ADAM23: variants seen among roughly 807,000 people sequenced by gnomAD.
ADAM23 encodes disintegrin and metalloproteinase domain-containing protein 23.
A neutral mutation model predicts 120.1 loss-of-function variants in ADAM23; 33 were observed. That is an observed-to-expected ratio of 0.27 (90% confidence interval 0.21 to 0.37). The LOEUF (loss-of-function observed/expected upper bound fraction) is 0.37, where lower values mean the gene tolerates loss of function less well. ADAM23 is among the 10% of genes least tolerant of loss of function. The pLI is 1.00. For missense variants in ADAM23, 862 were observed against 1,058.2 expected (o/e 0.81, Z 2.57); for synonymous variants, 367 against 375.2 (o/e 0.98, Z 0.25).
chr2:206,574,493 A>G (rs1162584719), intron 18 of ADAM23, among the ~76,000 whole-genome samples: 1 of 151,850 alleles, frequency 6.6e-6, no homozygotes, highest in East Asian at 1.9e-4. Flanking sequence ...TTTATACCCA[A>G]CTAATTGAGT....
chr2:206,476,924 G>C (rs1695786934), intron 2 of ADAM23, among the ~76,000 whole-genome samples: 1 of 152,148 alleles, frequency 6.6e-6, no homozygotes, highest in Admixed American at 6.6e-5. Flanking sequence ...GAAGAATACT[G>C]TTTGAACACC....
chr2:206,579,495 T>G (rs985847823), intron 18 of ADAM23, among the ~76,000 whole-genome samples: 2 of 152,176 alleles, frequency 1.3e-5, no homozygotes, highest in East Asian at 3.8e-4. Context: ...AAGGGTGTCC[T>G]TTTCCCCACT....
chr2:206,586,187 G>C (rs1366554314), intron 18 of ADAM23, among the ~76,000 whole-genome samples: 1 of 152,200 alleles, frequency 6.6e-6, no homozygotes, highest in East Asian at 1.9e-4. Context: ...ATCATGTTGA[G>C]CTTGGAAGGT....
At chr2:206,602,805 CA>C (rs1477574152) in intron 24 of ADAM23, among the ~76,000 whole-genome samples, 18 of 151,884 alleles carry the variant, frequency 1.2e-4, no homozygotes, top group African/African-American at 3.1e-4. Context: ...TTATACTTAC[CA>C]AAAATTCTGT....
chr2:206,607,357 G>A (rs1698748051), intron 24 of ADAM23, among the ~76,000 whole-genome samples: 1 of 152,142 alleles, frequency 6.6e-6, no homozygotes, highest in African/African-American at 2.4e-5. Context: ...CTTTTTCAGG[G>A]CCAGCTCCAT....
At chr2:206,463,042 C>A (rs1278206006) in intron 2 of ADAM23, among the ~76,000 whole-genome samples, 1 of 152,092 alleles carries the variant, frequency 6.6e-6, no homozygotes, top group Non-Finnish European at 1.5e-5. Context: ...AGAGGAATTG[C>A]AGGGATGCAA....
At chr2:206,462,420 C>T (rs1695442959) in intron 2 of ADAM23, among the ~76,000 whole-genome samples, 1 of 152,214 alleles carries the variant, frequency 6.6e-6, no homozygotes, top group Non-Finnish European at 1.5e-5. Flanking sequence ...AACCTAAGTA[C>T]TATCTTTTGT....
chr2:206,595,178 TCAA>T (rs756490926), intron 23 of ADAM23, among the ~76,000 whole-genome samples: 11 of 151,996 alleles, frequency 7.2e-5, no homozygotes, highest in Admixed American at 2.0e-4. Context: ...AGACTCCATC[TCAA>T]CAACAACAAC....
At chr2:206,485,380 A>G (rs183217662) in intron 3 of ADAM23, among the ~76,000 whole-genome samples, 1 of 152,356 alleles carries the variant, frequency 6.6e-6, no homozygotes, top group Admixed American at 6.5e-5. Flanking sequence ...TTGCTACATT[A>G]CAGACAGAGG....
rs1471894686 is a variant in ADAM23 at position 206,443,980 on chromosome 2, G to A, written c.114G>A (p.Pro38=). 1.5e-6 allele frequency: 2 copies of A among 1,373,922 alleles called. No individual in the cohort carries two copies. Among genetic ancestry groups the A allele is most frequent in the Non-Finnish European group, 1.9e-6 (2 of 1,059,804 alleles). The allele number at this position is 1,373,922 out of a possible 1,614,324, so 85.1% of individuals were successfully genotyped here. The change falls in exon 1 of 26, where the codon CCG becomes CCA. Residue 38 remains proline, a synonymous_variant. Coordinates refer to ENST00000264377, the MANE Select transcript of ADAM23 (RefSeq NM_003812.4). ...CCGGCTCGGTGCCTGCCAGCGCCCC[G>A]GCCCGCACGCCGCCCTGCCGCCTGC... is the stretch of plus-strand genomic sequence containing the variant. ...GPAGSVPASA[P]ARTPPCRLLL...
intron 8 of ADAM23, 143 bp downstream of exon 8, chr2:206,548,497 C>G (rs1697446681): frequency 2.7e-6 from 2 of 734,894 alleles, no homozygotes; most frequent in Admixed American, 5.7e-5. Flanking sequence ...ACAAAAAACC[C>G]TATGATTTGA....
chr2:206,584,373 T>TG (rs1222178456), intron 18 of ADAM23, among the ~76,000 whole-genome samples: 4 of 152,200 alleles, frequency 2.6e-5, no homozygotes, highest in Non-Finnish European at 4.4e-5. Flanking sequence ...AAGCATCAGC[T>TG]GTAGTAGTGT....
intron 17 of ADAM23, among the ~76,000 whole-genome samples, chr2:206,572,712 C>A (rs909065948): frequency 2.0e-5 from 3 of 152,272 alleles, no homozygotes; most frequent in Non-Finnish European, 1.5e-5. Context: ...AGTTTAATAT[C>A]TATGCTAATA....
intron 2 of ADAM23, among the ~76,000 whole-genome samples, chr2:206,451,603 T>C (rs893427103): frequency 1.3e-4 from 20 of 152,222 alleles, no homozygotes; most frequent in Non-Finnish European, 2.9e-4. Flanking sequence ...CCCAGTGACA[T>C]AGGCATTTAT....
At chr2:206,476,206 G>C (rs1482697309) in intron 2 of ADAM23, among the ~76,000 whole-genome samples, 1 of 152,038 alleles carries the variant, frequency 6.6e-6, no homozygotes, top group Non-Finnish European at 1.5e-5. Context: ...ACCTCTGTTT[G>C]TAAAACATTT....
At chr2:206,576,861 TAGC>T (rs1219710585) in intron 18 of ADAM23, among the ~76,000 whole-genome samples, 4 of 152,174 alleles carry the variant, frequency 2.6e-5, no homozygotes, top group Admixed American at 1.3e-4. Flanking sequence ...ATTTGAAAGA[TAGC>T]AGAAATAGGA....
chr2:206,465,594 T>C (rs1466820797), intron 2 of ADAM23, among the ~76,000 whole-genome samples: 1 of 152,248 alleles, frequency 6.6e-6, no homozygotes, highest in African/African-American at 2.4e-5. Flanking sequence ...TCTCTAATTA[T>C]GGCTAATTAA....
chr2:206,600,014 A>G lies in ADAM23; in HGVS notation c.2359+3852A>G, dbSNP rs899751596. On this transcript the variant is annotated intron_variant, in intron 24 of 25. Coordinates refer to ENST00000264377, the MANE Select transcript of ADAM23 (RefSeq NM_003812.4). ...CAGGAGATCGAGACCATCCTGGCTAACACAGTGAAGCCTCGTCTCTACTAA... is the reference window on the plus strand; with the variant it reads ...CAGGAGATCGAGACCATCCTGGCTAGCACAGTGAAGCCTCGTCTCTACTAA... Among the ~76,000 whole-genome samples, 15 of 152,218 alleles carry G rather than the reference A, an allele frequency of 9.9e-5. No homozygotes were observed. The East Asian group carries it at 2.1e-3, about 21-fold the overall frequency.
chr2:206,564,348 G>T (rs1697835614), intron 13 of ADAM23, among the ~76,000 whole-genome samples: 1 of 152,146 alleles, frequency 6.6e-6, no homozygotes, highest in African/African-American at 2.4e-5. Context: ...AAGTGATTAT[G>T]TACACTTCTG....
Sources: gnomAD v4.1 joint callset for allele counts (sites outside exome capture counted in the v4.1 genomes callset) on GRCh38, gnomAD v4.1.1 for gene constraint, MANE v1.5 for transcripts, NCBI Gene and HGNC (gene_info 2026-07-23, HGNC 2026-07-21) for gene names.